PGM1: variants seen among roughly 807,000 people sequenced by gnomAD.
PGM1 encodes phosphoglucomutase 1.
In PGM1, 52 loss-of-function variants were observed where a neutral mutation model predicts 55.6. The observed-to-expected ratio is 0.94, with a 90% CI of 0.75 to 1.18. The LOEUF (loss-of-function observed/expected upper bound fraction) is 1.18, where lower values mean the gene tolerates loss of function less well. Among genes scored for constraint, PGM1 ranks in the 50% most tolerant of loss-of-function variants. The pLI is 0.00. For synonymous variants in PGM1, 287 were observed against 271.7 expected (o/e 1.06, Z -0.55); for missense variants, 724 against 729.3 (o/e 0.99, Z 0.08).
intron 1 of PGM1, chr1:63,594,108 A>C: frequency 4.9e-6 from 5 of 1,014,788 alleles, no homozygotes; most frequent in Non-Finnish European, 5.9e-6. Flanking sequence ...GGAAGATACG[A>C]TTACGGCGCA....
rs1649621311 is a variant in PGM1, at chr1:63,645,392, T to A, written c.1145-3125T>A. Among the ~76,000 whole-genome samples, 2 of 151,572 alleles carry A rather than the reference T, an allele frequency of 1.3e-5. 1 individual carries two copies. Among genetic ancestry groups the A allele is most frequent in the South Asian group, 4.2e-4 (2 of 4,812 alleles). ...CCAAAAGAGAAAAAAGAAAAAAAAATTAAGGAGAAAAAGAAGGAAGAAAAA... is the reference window on the plus strand; with the variant it reads ...CCAAAAGAGAAAAAAGAAAAAAAAAATAAGGAGAAAAAGAAGGAAGAAAAA... On this transcript the variant is annotated intron_variant, in intron 7 of 10. Transcript: ENST00000371084.
intron 10 of PGM1, among the ~76,000 whole-genome samples, chr1:63,657,102 CAATTTTTATTAAAAAATTGAAAGT>C (rs1446030524): frequency 6.6e-6 from 1 of 152,162 alleles, no homozygotes; most frequent in Non-Finnish European, 1.5e-5. Flanking sequence ...TAAACATAAA[CAATTTTTATTAAAAAATTGAAAGT>C]AAAATAAAAT....
intron 1 of PGM1, among the ~76,000 whole-genome samples, chr1:63,607,656 G>A (rs1648458932): frequency 6.6e-6 from 1 of 152,182 alleles, no homozygotes; most frequent in Admixed American, 6.5e-5. Context: ...GTGAGGGTAA[G>A]CAATCAGATT....
intron 1 of PGM1, 44 bp downstream of exon 1, chr1:63,593,778 G>T (rs751965266): frequency 2.6e-6 from 4 of 1,525,370 alleles, no homozygotes; most frequent in South Asian, 2.4e-5. Flanking sequence ...CCTGGCGCGT[G>T]TGCGACGTGC....
intron 1 of PGM1, among the ~76,000 whole-genome samples, chr1:63,624,176 G>A (rs2100977403): frequency 6.6e-6 from 1 of 152,266 alleles, no homozygotes. Context: ...TTGAAGTTCA[G>A]TCACTTGTCA....
In PGM1 at chr1:63,598,806, A is replaced by T. The variant is rs1648152635; in HGVS notation, c.246+5072A>T. ...AATGATCCTTTTTTAGCATCAGGTG[A>T]TGCCTGCACCAAAATGGACCTCAAA... On this transcript the variant is annotated intron_variant, in intron 1 of 10. Coordinates refer to ENST00000371084, the MANE Select transcript of PGM1 (RefSeq NM_002633.3). Among the ~76,000 whole-genome samples, 4 of 152,220 alleles carry T rather than the reference A, an allele frequency of 2.6e-5. No homozygotes were observed. In the South Asian group the frequency reaches 8.3e-4, roughly 31 times the overall value.
intron 10 of PGM1, 126 bp downstream of exon 10, chr1:63,654,592 T>G (rs1016558959): frequency 1.3e-5 from 11 of 856,362 alleles, no homozygotes; most frequent in Middle Eastern, 3.5e-4. Flanking sequence ...GCTTACTTTC[T>G]TCCATGTTTC....
At position 63,624,156 on chromosome 1, in the gene PGM1, G is replaced by A. The variant is rs528153153; in HGVS notation, c.247-5269G>A. Among the ~76,000 whole-genome samples, 5 of 152,276 alleles carry A rather than the reference G, an allele frequency of 3.3e-5. No individual in the cohort carries two copies. The South Asian group carries it at 1.0e-3, about 32-fold the overall frequency. On this transcript the variant is annotated intron_variant, in intron 1 of 10. Coordinates refer to ENST00000371084, the MANE Select transcript of PGM1 (RefSeq NM_002633.3). Reference sequence around the variant, plus strand: ...GAAGAGGATTTTGTTTTCTTTCAATGGCTTTCTTGTTGAAGTTCAGTCACT... The same window carrying A: ...GAAGAGGATTTTGTTTTCTTTCAATAGCTTTCTTGTTGAAGTTCAGTCACT...
intron 1 of PGM1, among the ~76,000 whole-genome samples, chr1:63,615,744 A>G (rs1244893678): frequency 1.3e-5 from 2 of 151,536 alleles, no homozygotes; most frequent in African/African-American, 4.9e-5. Flanking sequence ...TATTTTTAGT[A>G]GAGACGGGGT....
rs1343129048 is a variant in PGM1 at position 63,623,286 on chromosome 1, GACA to G, written c.247-6128_247-6126del. The G allele has an allele frequency of 8.3e-6, 12 of 1,440,312 alleles. No individual in the cohort carries two copies. The East Asian group carries it at 1.5e-4, about 18-fold the overall frequency. The allele number at this position is 1,440,312 out of a possible 1,614,324, so 89.2% of individuals were successfully genotyped here. A position where few individuals can be genotyped will look rare whatever the true frequency, so the allele number is the denominator to read the frequency against. ...TGTGGCCCTTAACTTGTTCACAAGGGACAACAACAACAAGGAATTAACCAAGCT... is the reference window on the plus strand; with the variant it reads ...TGTGGCCCTTAACTTGTTCACAAGGGACAACAACAAGGAATTAACCAAGCT... On this transcript the variant is annotated intron_variant, in intron 1 of 10. Transcript: ENST00000371084.
At chr1:63,627,834 G>A (rs3819915) in intron 1 of PGM1, among the ~76,000 whole-genome samples, 21,589 of 152,092 alleles carry the variant, frequency 0.14, 1,810 homozygotes, top group Middle Eastern at 0.25. Flanking sequence ...GGAACTGCCC[G>A]AACATAGGCT....
At chr1:63,641,764 C>T (rs917269540) in intron 7 of PGM1, among the ~76,000 whole-genome samples, 2 of 152,076 alleles carry the variant, frequency 1.3e-5, no homozygotes, top group Admixed American at 1.3e-4. Context: ...CTGTATATGC[C>T]ATGAGGACAG....
rs1471769873 is a variant in PGM1, at chr1:63,593,845, G to T, written c.246+111G>T. ...GCCGCTTCCGCGCGCTGCCGCCTCG[G>T]TTTCCACCTCCCGCTCCTCCCTCTC... On this transcript the variant is annotated intron_variant, in intron 1 of 10. Transcript: ENST00000371084. 10 of 1,306,118 alleles carry T rather than the reference G, an allele frequency of 7.7e-6. No individual in the cohort carries two copies. The East Asian group carries it at 9.9e-5, about 13-fold the overall frequency. The allele number at this position is 1,306,118 out of a possible 1,614,324, so 80.9% of individuals were successfully genotyped here.
In PGM1 at chr1:63,633,937, T is replaced by A. The variant is rs1456844153; in HGVS notation, c.683-892T>A. Reference sequence around the variant, plus strand: ...GTGTGTGTATATATATATATATTTTTTTTTTTTTTTTTTTTTTTTTTTTTA... The same window carrying A: ...GTGTGTGTATATATATATATATTTTATTTTTTTTTTTTTTTTTTTTTTTTA... On this transcript the variant is annotated intron_variant, in intron 4 of 10. Coordinates refer to ENST00000371084, the MANE Select transcript of PGM1 (RefSeq NM_002633.3). 9.0e-3 allele frequency among the ~76,000 whole-genome samples: 809 copies of A among 90,144 alleles called. 95 individuals are homozygous for A. The highest frequency in any genetic ancestry group is 0.063 in the East Asian group (156 of 2,474). 59.1% of individuals were successfully genotyped at this position (90,144 alleles called of 152,430 possible). A position where few individuals can be genotyped will look rare whatever the true frequency, so the allele number is the denominator to read the frequency against.
chr1:63,614,633 A>G, intron 1 of PGM1, among the ~76,000 whole-genome samples: 1 of 152,206 alleles, frequency 6.6e-6, no homozygotes, highest in Non-Finnish European at 1.5e-5. Flanking sequence ...TTCTTAGAGC[A>G]AGCCTTCTAA....
intron 1 of PGM1, among the ~76,000 whole-genome samples, chr1:63,601,047 A>G (rs1308438516): frequency 6.6e-6 from 1 of 152,210 alleles, no homozygotes; most frequent in African/African-American, 2.4e-5. Context: ...AATGAGCAAC[A>G]AAAAGACATT....
chr1:63,630,072 G>T lies in PGM1; in HGVS notation c.540G>T (p.Lys180Asn), dbSNP rs148838450. Reference protein sequence around the residue: ...LGKQQFDLENKFKPFTVEIVD... With the variant: ...LGKQQFDLENNFKPFTVEIVD... ...AGCAGCAGTTTGACTTGGAAAATAA[G>T]TTCAAACCCTTCACAGGCATGTTTA... The change falls in exon 3 of 11, where the codon AAG (lysine) becomes AAT (asparagine). Residue 180 changes from lysine (K) to asparagine (N), a missense_variant. Lys to Asn is a moderately conservative substitution (Grantham distance 94). Transcript: ENST00000371084. 6.2e-7 allele frequency: 1 copy of T among 1,613,938 alleles called. No individual in the cohort carries two copies. The highest frequency in any genetic ancestry group is 1.3e-5 in the African/African-American group (1 of 74,932).
intron 1 of PGM1, among the ~76,000 whole-genome samples, chr1:63,617,486 C>T (rs1557707534): frequency 6.6e-6 from 1 of 151,900 alleles, no homozygotes; most frequent in Non-Finnish European, 1.5e-5. Context: ...GCGGGCAGAT[C>T]GCTTGAGATG....
chr1:63,633,141 G>C (rs1241269936), intron 4 of PGM1, among the ~76,000 whole-genome samples: 1 of 152,172 alleles, frequency 6.6e-6, no homozygotes, highest in East Asian at 1.9e-4. Context: ...TATAAAGAAA[G>C]GTTTCCTGGA....
Sources: allele counts gnomAD v4.1 joint callset (sites outside exome capture counted in the v4.1 genomes callset), GRCh38; gene constraint gnomAD v4.1.1; transcripts MANE v1.5; gene names NCBI Gene and HGNC (gene_info 2026-07-23, HGNC 2026-07-21).